The following CENPP variants were observed in gnomAD, a reference collection of about 807,000 sequenced individuals.
CENPP encodes the protein centromere protein P.
A neutral mutation model predicts 35.6 loss-of-function variants in CENPP; 24 were observed. The observed-to-expected ratio is 0.67, with a 90% CI of 0.49 to 0.95. CENPP has a LOEUF of 0.95. CENPP is among the 40% of genes least tolerant of loss of function. CENPP has a pLI of 0.00. For missense variants in CENPP, 332 were observed against 345.3 expected (o/e 0.96, Z 0.31); for synonymous variants, 120 against 125.5 (o/e 0.96, Z 0.29).
chr9:92,595,581 T>C (rs1251655706), intron 5 of CENPP, among the ~76,000 whole-genome samples: 1 of 151,890 alleles, frequency 6.6e-6, no homozygotes, highest in Admixed American at 6.6e-5. Flanking sequence ...TTTTGTTTTT[T>C]TTTTCATGGA....
chr9:92,512,170 A>G (rs1331133199), intron 5 of CENPP: 8 of 1,349,104 alleles, frequency 5.9e-6, no homozygotes, highest in Non-Finnish European at 8.5e-6. Flanking sequence ...GTGCATATAC[A>G]TACATGTACA....
intron 5 of CENPP, among the ~76,000 whole-genome samples, chr9:92,583,420 A>C (rs150867639): frequency 6.6e-6 from 1 of 152,288 alleles, no homozygotes; most frequent in East Asian, 1.9e-4. Flanking sequence ...CTTTGTACCT[A>C]TTAATCTGTC....
chr9:92,401,676 C>T (rs1014229028), intron 5 of CENPP, among the ~76,000 whole-genome samples: 16 of 152,270 alleles, frequency 1.1e-4, no homozygotes, highest in African/African-American at 3.6e-4. Flanking sequence ...CCTTTAATTA[C>T]CTATATCCCT....
rs374021821 is a variant in CENPP at position 92,532,028 on chromosome 9, TA to T, written c.565-79285del. Among the ~76,000 whole-genome samples, 1,287 of 129,624 alleles carry T rather than the reference TA, an allele frequency of 9.9e-3. 318 individuals carry two copies. Among genetic ancestry groups the T allele is most frequent in the African/African-American group, 0.018 (525 of 29,104 alleles). The allele number at this position is 129,624 out of a possible 152,430, so 85.0% of individuals were successfully genotyped here. A position where few individuals can be genotyped will look rare whatever the true frequency, so the allele number is the denominator to read the frequency against. On this transcript the variant is annotated intron_variant, in intron 5 of 7. Transcript: ENST00000375587. Reference sequence around the variant, plus strand: ...TTTTTATTTAATGTTTTTTTTTTTTTATTTTATTTTTTTTTTGAGATGAGGT... The same window carrying T: ...TTTTTATTTAATGTTTTTTTTTTTTTTTTTATTTTTTTTTTGAGATGAGGT...
In CENPP at chr9:92,381,023, T is replaced by A. The variant is rs1247967321; in HGVS notation, c.564+1164T>A. Among the ~76,000 whole-genome samples the A allele has an allele frequency of 3.9e-5, 6 of 152,216 alleles. No individual in the cohort carries two copies. The East Asian group carries it at 1.2e-3, about 29-fold the overall frequency. On this transcript the variant is annotated intron_variant, in intron 5 of 7. Transcript: ENST00000375587. ...GTGGAAAAAACCTATCACATTGTCC[T>A]GTAACCGTCACCAATATCCACATTG... is the stretch of plus-strand genomic sequence containing the variant.
chr9:92,545,318 C>T (rs1849409672), intron 5 of CENPP, among the ~76,000 whole-genome samples: 1 of 152,176 alleles, frequency 6.6e-6, no homozygotes, highest in African/African-American at 2.4e-5. Flanking sequence ...ACTTGCAGGC[C>T]AGCTAGAGTT....
rs1851341559 is a variant in CENPP, at chr9:92,613,692, A to C, written c.*543A>C. On this transcript the variant is annotated 3_prime_UTR_variant, in exon 8 of 8. Transcript: ENST00000375587. ...GTCCTCATGCTGTTCTTGGTCTTCC[A>C]CAAGAAAGTGAAGCTGTCAGCTTAA... is the stretch of plus-strand genomic sequence containing the variant. The C allele has an allele frequency of 6.4e-6, 1 of 157,300 alleles. No homozygotes were observed. The highest frequency in any genetic ancestry group is 1.9e-4 in the South Asian group (1 of 5,356). 9.7% of individuals were successfully genotyped at this position (157,300 alleles called of 1,614,324 possible).
In CENPP at chr9:92,433,194, C is replaced by A. The variant is rs537229097; in HGVS notation, c.564+53335C>A. 2.0e-5 allele frequency among the ~76,000 whole-genome samples: 3 copies of A among 152,296 alleles called. No homozygotes were observed. The South Asian group carries it at 6.2e-4, about 32-fold the overall frequency. ...GGCACCAGCATTTGGCAAGGGACTTCTTGCTGGGTTAAAGAGAGCAAGAGG... is the reference window on the plus strand; with the variant it reads ...GGCACCAGCATTTGGCAAGGGACTTATTGCTGGGTTAAAGAGAGCAAGAGG... On this transcript the variant is annotated intron_variant, in intron 5 of 7. Coordinates refer to ENST00000375587, the MANE Select transcript of CENPP (RefSeq NM_001012267.3).
chr9:92,609,168 T>C (rs534692719), intron 5 of CENPP, among the ~76,000 whole-genome samples: 32 of 152,380 alleles, frequency 2.1e-4, no homozygotes, highest in African/African-American at 4.6e-4. Flanking sequence ...AAGTTAGTAA[T>C]TGTAAGCTTC....
At chr9:92,596,136 T>G (rs1053406520) in intron 5 of CENPP, among the ~76,000 whole-genome samples, 2 of 151,586 alleles carry the variant, frequency 1.3e-5, no homozygotes, top group Non-Finnish European at 2.9e-5. Flanking sequence ...GTTTTGTTTG[T>G]TTGGTTGTTT....
At position 92,533,328 on chromosome 9, in the gene CENPP, A is replaced by AAAAT. The variant is rs1554683138; in HGVS notation, c.565-77985_565-77984insAATA. ...CAAAAAAAAAAAAAAAAAAAAAAAA[A>AAAAT]ATATATATATATATATATATATATA... On this transcript the variant is annotated intron_variant, in intron 5 of 7. Coordinates refer to ENST00000375587, the MANE Select transcript of CENPP (RefSeq NM_001012267.3). 3.3e-3 allele frequency among the ~76,000 whole-genome samples: 127 copies of AAAAT among 38,320 alleles called. 1 individual carries two copies. Among genetic ancestry groups the AAAAT allele is most frequent in the Non-Finnish European group, 4.1e-3 (97 of 23,486 alleles). 25.1% of individuals were successfully genotyped at this position (38,320 alleles called of 152,430 possible). A position where few individuals can be genotyped will look rare whatever the true frequency, so the allele number is the denominator to read the frequency against.
Position 92,611,379 on chromosome 9 carries a change from C to T in CENPP, c.630C>T (p.Ser210=), listed in dbSNP as rs138631718. 87 of 1,613,036 alleles carry T rather than the reference C, an allele frequency of 5.4e-5. No individual in the cohort carries two copies. Among genetic ancestry groups the T allele is most frequent in the South Asian group, 5.2e-4 (47 of 91,014 alleles). ...CCTCCTGCTCCATGGGGATCCGCAG[C>T]GCCAGCCGGCCAGGGTGAGCCTGCA... ...GPSSCSMGIR[S]ASRPGFELVI... Residue 210 remains serine (S), a synonymous_variant, in exon 6 of 8, where the codon AGC becomes AGT. Coordinates refer to ENST00000375587, the MANE Select transcript of CENPP (RefSeq NM_001012267.3).
At chr9:92,383,161 G>A (rs867804031) in intron 5 of CENPP, among the ~76,000 whole-genome samples, 1 of 152,090 alleles carries the variant, frequency 6.6e-6, no homozygotes, top group African/African-American at 2.4e-5. Flanking sequence ...GCCTCACAAA[G>A]TGCTGGGATT....
chr9:92,475,186 C>A (rs1005733821), intron 5 of CENPP, among the ~76,000 whole-genome samples: 1 of 151,926 alleles, frequency 6.6e-6, no homozygotes, highest in South Asian at 2.1e-4. Flanking sequence ...ATGTTCATCA[C>A]AGAATTATAA....
intron 5 of CENPP, among the ~76,000 whole-genome samples, chr9:92,552,190 TACACACAC>T (rs59704602): frequency 9.4e-6 from 1 of 106,412 alleles, no homozygotes; most frequent in African/African-American, 4.0e-5. Context: ...ATCTATCATA[TACACACAC>T]ACACACACAC....
intron 5 of CENPP, among the ~76,000 whole-genome samples, chr9:92,547,451 C>A (rs982484624): frequency 6.6e-6 from 1 of 152,128 alleles, no homozygotes; most frequent in African/African-American, 2.4e-5. Flanking sequence ...CATAGCCATA[C>A]AAGGGAATAT....
In CENPP at chr9:92,611,313, G is replaced by C; in HGVS notation, c.565-1G>C. ...TCTACCCGTTTCTTCTCCCCATGCAGGAAAAGTACCCAGATGCCGTGTACC... is the reference window on the plus strand; with the variant it reads ...TCTACCCGTTTCTTCTCCCCATGCACGAAAAGTACCCAGATGCCGTGTACC... On this transcript the variant is annotated splice_acceptor_variant, in intron 5 of 7. Coordinates refer to ENST00000375587, the MANE Select transcript of CENPP (RefSeq NM_001012267.3). LOFTEE classifies it high-confidence loss of function. 6.2e-7 allele frequency: 1 copy of C among 1,613,414 alleles called. No homozygotes were observed. The highest frequency in any genetic ancestry group is 8.5e-7 in the Non-Finnish European group (1 of 1,179,726).
intron 5 of CENPP, chr9:92,512,141 G>A (rs368447634): frequency 3.6e-5 from 57 of 1,593,146 alleles, no homozygotes; most frequent in Non-Finnish European, 4.5e-5. Flanking sequence ...GACACACAGC[G>A]GTTATGTTTT....
intron 5 of CENPP, among the ~76,000 whole-genome samples, chr9:92,413,806 C>A (rs779215162): frequency 8.5e-5 from 13 of 152,058 alleles, no homozygotes; most frequent in Non-Finnish European, 1.8e-4. Flanking sequence ...TTGAGGTTGT[C>A]CCTGGGAACA....
Sources: allele counts gnomAD v4.1 joint callset (sites outside exome capture counted in the v4.1 genomes callset), GRCh38; gene constraint gnomAD v4.1.1; transcripts MANE v1.5; gene names NCBI Gene and HGNC (gene_info 2026-07-23, HGNC 2026-07-21).